ARMC8: variants seen among roughly 807,000 people sequenced by gnomAD.
ARMC8 encodes armadillo repeat-containing protein 8.
A neutral mutation model predicts 99.3 loss-of-function variants in ARMC8; 20 were observed. The observed-to-expected ratio is 0.20, with a 90% CI of 0.14 to 0.29. The LOEUF (loss-of-function observed/expected upper bound fraction) is 0.29. ARMC8 is among the 10% of genes least tolerant of loss of function. The pLI is 1.00. For missense variants in ARMC8, 569 were observed against 809.5 expected (o/e 0.70, Z 3.60); for synonymous variants, 263 against 278.3 (o/e 0.95, Z 0.55).
chr3:138,190,347 C>T lies in ARMC8; in HGVS notation c.45+2748C>T, dbSNP rs148417787. On this transcript the variant is annotated intron_variant, in intron 1 of 21. Coordinates refer to ENST00000469044, the MANE Select transcript of ARMC8 (RefSeq NM_001363941.2). ...TGTTGCCCAGACTGGAGTGCAGTGG[C>T]GCAATCTCGACTCACTGCAACCACC... 4.5e-3 allele frequency among the ~76,000 whole-genome samples: 632 copies of T among 138,924 alleles called. 3 individuals carry two copies. The highest frequency in any genetic ancestry group is 0.016 in the African/African-American group (588 of 36,784). The allele number at this position is 138,924 out of a possible 152,430, so 91.1% of individuals were successfully genotyped here. A position where few individuals can be genotyped will look rare whatever the true frequency, so the allele number is the denominator to read the frequency against.
rs140063854 is a variant in ARMC8 at position 138,260,653 on chromosome 3, G to T, written c.1135-3086G>T. ...CAACTTCAGGGATTTGTGACCTATG[G>T]CTATACTGAGATATACTTTATTAAA... On this transcript the variant is annotated intron_variant, in intron 12 of 21. Transcript: ENST00000469044. Among the ~76,000 whole-genome samples the T allele has an allele frequency of 7.9e-5, 12 of 152,264 alleles. No homozygotes were observed. In the South Asian group the frequency reaches 1.2e-3, roughly 16 times the overall value.
chr3:138,262,764 G>A (rs2047882414), intron 12 of ARMC8, among the ~76,000 whole-genome samples: 2 of 152,284 alleles, frequency 1.3e-5, no homozygotes, highest in Middle Eastern at 3.4e-3. Context: ...TCTCCCAGGT[G>A]AGAGTAACGA....
intron 1 of ARMC8, among the ~76,000 whole-genome samples, chr3:138,201,846 A>G (rs1186373424): frequency 6.6e-6 from 1 of 152,150 alleles, no homozygotes. Flanking sequence ...TCTTGTCCCT[A>G]ACTTCAATGA....
At chr3:138,249,289 A>G (rs2047020777) in intron 12 of ARMC8, among the ~76,000 whole-genome samples, 2 of 152,060 alleles carry the variant, frequency 1.3e-5, no homozygotes, top group South Asian at 2.1e-4. Context: ...CTCTGGTCAT[A>G]TAGTCAGGGG....
At chr3:138,249,470 T>C (rs1462201175) in intron 12 of ARMC8, among the ~76,000 whole-genome samples, 1 of 151,938 alleles carries the variant, frequency 6.6e-6, no homozygotes, top group Non-Finnish European at 1.5e-5. Flanking sequence ...TATTTCTTAA[T>C]TAGAAAATAT....
chr3:138,220,580 A>G (rs1484064597), intron 2 of ARMC8, among the ~76,000 whole-genome samples: 3 of 152,268 alleles, frequency 2.0e-5, no homozygotes, highest in Admixed American at 1.3e-4. Flanking sequence ...GCAATAATCA[A>G]AAAAGGCAAT....
intron 21 of ARMC8, among the ~76,000 whole-genome samples, chr3:138,292,127 T>G (rs925824540): frequency 6.6e-6 from 1 of 152,228 alleles, no homozygotes; most frequent in African/African-American, 2.4e-5. Context: ...AACCTCTGCC[T>G]CCTGAGTTCA....
At chr3:138,231,961 CTTTTTTTTT>C (rs61298993) in intron 6 of ARMC8, among the ~76,000 whole-genome samples, 20 of 58,630 alleles carry the variant, frequency 3.4e-4, no homozygotes, top group African/African-American at 1.3e-3. Context: ...CTTGCAATTG[CTTTTTTTTT>C]TTTTTTTTTT....
At chr3:138,189,487 G>A (rs2043255293) in intron 1 of ARMC8, among the ~76,000 whole-genome samples, 1 of 152,106 alleles carries the variant, frequency 6.6e-6, no homozygotes, top group African/African-American at 2.4e-5. Flanking sequence ...AACTAGAACA[G>A]GAAACATTCA....
At chr3:138,256,761 A>G (rs555609005) in intron 12 of ARMC8, among the ~76,000 whole-genome samples, 1 of 152,130 alleles carries the variant, frequency 6.6e-6, no homozygotes, top group South Asian at 2.1e-4. Context: ...TGCCAAGTAT[A>G]GTATACTAAT....
chr3:138,260,117 C>T (rs1402210918), intron 12 of ARMC8, among the ~76,000 whole-genome samples: 1 of 152,204 alleles, frequency 6.6e-6, no homozygotes, highest in Non-Finnish European at 1.5e-5. Flanking sequence ...TCTCTGGGCA[C>T]TCAGATATTT....
chr3:138,203,387 A>G (rs553356219), intron 1 of ARMC8, among the ~76,000 whole-genome samples: 2 of 152,322 alleles, frequency 1.3e-5, no homozygotes, highest in South Asian at 4.1e-4. Context: ...CTGGCCCAAG[A>G]TCTCTTATGT....
At chr3:138,286,428 T>G (rs1248596065) in intron 19 of ARMC8, among the ~76,000 whole-genome samples, 1 of 152,200 alleles carries the variant, frequency 6.6e-6, no homozygotes. Flanking sequence ...TTACCCCACT[T>G]ACAGCAGACT....
chr3:138,278,169 T>G (rs2049490959), intron 18 of ARMC8, among the ~76,000 whole-genome samples: 1 of 152,192 alleles, frequency 6.6e-6, no homozygotes, highest in South Asian at 2.1e-4. Context: ...GTGATAGAAC[T>G]GCTCTGTAAA....
intron 2 of ARMC8, among the ~76,000 whole-genome samples, chr3:138,216,780 G>A (rs1006333523): frequency 1.9e-4 from 29 of 151,984 alleles, no homozygotes; most frequent in African/African-American, 7.0e-4. Flanking sequence ...GTAGTTTTTG[G>A]CTACTTCATA....
At chr3:138,242,918 T>C (rs1035188110) in intron 11 of ARMC8, among the ~76,000 whole-genome samples, 1 of 152,260 alleles carries the variant, frequency 6.6e-6, no homozygotes, top group African/African-American at 2.4e-5. Flanking sequence ...TAATGTACTC[T>C]ACTCTCTGGG....
intron 1 of ARMC8, among the ~76,000 whole-genome samples, chr3:138,194,276 C>T (rs1431490489): frequency 2.6e-5 from 4 of 151,296 alleles, no homozygotes; most frequent in Admixed American, 2.6e-4. Flanking sequence ...ATCTCCTGAC[C>T]TCGTGATCCG....
chr3:138,202,879 A>C (rs1373225182), intron 1 of ARMC8, among the ~76,000 whole-genome samples: 1 of 152,224 alleles, frequency 6.6e-6, no homozygotes, highest in African/African-American at 2.4e-5. Flanking sequence ...TTTTACCCTA[A>C]AACTTGAGTT....
At chr3:138,193,188 C>G (rs1480494792) in intron 1 of ARMC8, among the ~76,000 whole-genome samples, 1 of 152,008 alleles carries the variant, frequency 6.6e-6, no homozygotes, top group African/African-American at 2.4e-5. Flanking sequence ...AGACTGGTCT[C>G]AAACTCCTGA....
Sources: gnomAD v4.1 joint callset for allele counts (sites outside exome capture counted in the v4.1 genomes callset) on GRCh38, gnomAD v4.1.1 for gene constraint, MANE v1.5 for transcripts, NCBI Gene and HGNC (gene_info 2026-07-23, HGNC 2026-07-21) for gene names.